TEX9: variants seen among roughly 807,000 people sequenced by gnomAD.
The protein encoded by TEX9 is testis expressed 9, also known as testis-expressed protein 9.
In TEX9, 74 loss-of-function variants were observed where a neutral mutation model predicts 59.6. The ratio of observed to expected loss-of-function variants is 1.24; its 90% CI spans 1.03 to 1.51. TEX9 has a LOEUF of 1.51. TEX9 is among the 40% of genes most tolerant of loss of function. The pLI is 0.00. For missense variants in TEX9, 522 were observed against 447.8 expected (o/e 1.17, Z -1.49); for synonymous variants, 186 against 152.2 (o/e 1.22, Z -1.64).
At chr15:56,306,862 C>T (rs1330303414) in intron 1 of TEX9, among the ~76,000 whole-genome samples, 1 of 151,998 alleles carries the variant, frequency 6.6e-6, no homozygotes. Context: ...TCATGTATCC[C>T]ATAAATATAT....
intron 1 of TEX9, chr15:56,249,111 A>G (rs2043941852): frequency 6.6e-6 from 1 of 152,226 alleles, no homozygotes; most frequent in African/African-American, 2.4e-5. Context: ...AGTGAAATAA[A>G]AACACAAAAA....
chr15:56,413,872 GC>G (rs1335248185), intron 10 of TEX9, among the ~76,000 whole-genome samples: 2 of 151,706 alleles, frequency 1.3e-5, no homozygotes, highest in Non-Finnish European at 2.9e-5. Context: ...GCAAATATGT[GC>G]CGTAGTGATT....
At chr15:56,393,699 A>G (rs2048320451) in intron 7 of TEX9, 1 of 152,492 alleles carries the variant, frequency 6.6e-6, no homozygotes, top group African/African-American at 2.4e-5. Context: ...CTTAGACAGT[A>G]AGGTATTAGT....
At chr15:56,449,978 C>T (rs1207982754), downstream of TEX9, among the ~76,000 whole-genome samples, 5 of 152,124 alleles carry the variant, frequency 3.3e-5, no homozygotes, top group African/African-American at 4.8e-5. Context: ...CAATTTTATT[C>T]ACCTTTTTAT....
chr15:56,252,459 A>G (rs2044047187), intron 1 of TEX9, among the ~76,000 whole-genome samples: 1 of 150,448 alleles, frequency 6.6e-6, no homozygotes, highest in African/African-American at 2.5e-5. Flanking sequence ...AGAAAGCTCA[A>G]TATCTTATTC....
chr15:56,444,351 G>T, intron 12 of TEX9: 1 of 1,017,264 alleles, frequency 9.8e-7, no homozygotes, highest in Non-Finnish European at 1.4e-6. Context: ...CTATGTATTA[G>T]GCACTGTTCT....
intron 1 of TEX9, among the ~76,000 whole-genome samples, chr15:56,332,920 A>G (rs1415979849): frequency 6.6e-6 from 1 of 152,152 alleles, no homozygotes; most frequent in Admixed American, 6.5e-5. Flanking sequence ...GAAAATCTAA[A>G]AGAAATGGAT....
intron 6 of TEX9, 38 bp from the exon 7 acceptor site, chr15:56,391,205 G>T: frequency 7.2e-7 from 1 of 1,380,476 alleles, no homozygotes. Context: ...TCATATGTAC[G>T]TATATACATA....
rs1378888730 is a variant in TEX9, at chr15:56,300,742, A to AGAGAGAGAGG, written c.-107+56468_-107+56469insGAGAGGGAGA. Among the ~76,000 whole-genome samples, 131 of 145,130 alleles carry AGAGAGAGAGG rather than the reference A, an allele frequency of 9.0e-4. 3 individuals are homozygous for AGAGAGAGAGG. The highest frequency in any genetic ancestry group is 1.1e-3 in the Non-Finnish European group (74 of 65,994). ...GAGAGAGAGAGAGAGAGAGAGAGAG[A>AGAGAGAGAGG]GAGACTTCATTTCATTTGTTTGGGG... On this transcript the variant is annotated intron_variant, in intron 1 of 5. Coordinates refer to the TEX9 transcript ENST00000560827.
At chr15:56,314,570 C>T (rs142970388) in intron 1 of TEX9, among the ~76,000 whole-genome samples, 11,140 of 150,670 alleles carry the variant, frequency 0.074, 864 homozygotes, top group East Asian at 0.37. Context: ...TTACTTCCAA[C>T]TATGTGGTCA....
chr15:56,440,302 A>C (rs1596259295), intron 12 of TEX9, among the ~76,000 whole-genome samples: 1 of 152,196 alleles, frequency 6.6e-6, no homozygotes, highest in Middle Eastern at 3.2e-3. Flanking sequence ...TTAAAAAATA[A>C]ACTGTGTTAA....
chr15:56,417,204 C>T (rs1596221716), intron 10 of TEX9, among the ~76,000 whole-genome samples: 1 of 151,766 alleles, frequency 6.6e-6, no homozygotes, highest in Middle Eastern at 3.2e-3. Flanking sequence ...TCCTTCAGTT[C>T]AGCTCTGATT....
chr15:56,412,264 A>G (rs138862371), intron 9 of TEX9, 38 bp from the exon 10 acceptor site: 3 of 1,552,734 alleles, frequency 1.9e-6, no homozygotes, highest in East Asian at 2.3e-5. Context: ...AAACTATGAT[A>G]TATTTATAAA....
chr15:56,454,883 A>G, the TEX9 span, among the ~76,000 whole-genome samples: 1 of 152,128 alleles, frequency 6.6e-6, no homozygotes, highest in Admixed American at 6.5e-5. Flanking sequence ...TCTGTGTCTA[A>G]TAAAATCTAA....
intron 3 of TEX9, among the ~76,000 whole-genome samples, chr15:56,375,944 C>T (rs1453202408): frequency 1.3e-5 from 2 of 151,542 alleles, no homozygotes; most frequent in African/African-American, 4.9e-5. Flanking sequence ...AATTGGAAAT[C>T]ATCATTCTCA....
chr15:56,444,625 T>C (rs780098992), intron 12 of TEX9: 1 of 1,613,390 alleles, frequency 6.2e-7, no homozygotes, highest in East Asian at 2.2e-5. Context: ...TCCTTTATTA[T>C]TCTCTTGTGT....
At chr15:56,263,303 G>A (rs2718932) in intron 1 of TEX9, among the ~76,000 whole-genome samples, 7,099 of 152,208 alleles carry the variant, frequency 0.047, 230 homozygotes, top group East Asian at 0.095. Context: ...GATTACAGGC[G>A]TGAGCCACCG....
chr15:56,393,919 G>A (rs954909304), intron 7 of TEX9: 5 of 303,326 alleles, frequency 1.6e-5, no homozygotes, highest in Non-Finnish European at 2.4e-5. Context: ...GACCACCCTG[G>A]TGCGTGTGAA....
rs551299215 is a variant in TEX9, at chr15:56,332,521, A to G, written c.-106-40920A>G. Among the ~76,000 whole-genome samples the G allele has an allele frequency of 9.9e-5, 15 of 152,026 alleles. 1 individual carries two copies. Among genetic ancestry groups the G allele is most frequent in the Admixed American group, 7.9e-4 (12 of 15,272 alleles). On this transcript the variant is annotated intron_variant, in intron 1 of 5. Transcript: ENST00000560827. ...CATTGGGAGATATACCTAATGCTAG[A>G]TCACGAGTTAGTGGGTGCAGCGCAC...
Sources: allele counts gnomAD v4.1 joint callset (sites outside exome capture counted in the v4.1 genomes callset), GRCh38; gene constraint gnomAD v4.1.1; transcripts MANE v1.5; gene names NCBI Gene and HGNC (gene_info 2026-07-23, HGNC 2026-07-21).